DMD: variants seen among roughly 807,000 people sequenced by gnomAD.
DMD encodes the protein dystrophin.
In DMD, 63 loss-of-function variants were observed where a neutral mutation model predicts 330.1. The observed-to-expected ratio is 0.19, with a 90% CI of 0.16 to 0.24. The LOEUF (loss-of-function observed/expected upper bound fraction) is 0.24. Ranked by LOEUF, DMD falls within the 10% of genes least tolerant of loss-of-function variation. The pLI is 1.00. For missense variants in DMD, 3,344 were observed against 2,684.1 expected, an observed-to-expected ratio of 1.25 and a Z score of -5.43; for synonymous variants, 1,223 against 959.8, an observed-to-expected ratio of 1.27 and a Z score of -5.07.
chrX:33,176,559 A>AGTGTGTGT (rs67497965), intron 1 of DMD, among the ~76,000 whole-genome samples: 110 of 102,779 alleles, frequency 1.1e-3, no homozygotes, highest in Non-Finnish European at 1.3e-3. Context: ...CAAGCACAGA[A>AGTGTGTGT]GTGTGTGTGT....
chrX:32,238,844 A>AT, intron 43 of DMD, among the ~76,000 whole-genome samples: 1 of 111,503 alleles, frequency 9.0e-6, no homozygotes, highest in African/African-American at 3.3e-5. Flanking sequence ...CTTGGTGTAG[A>AT]TTTTTAGCTC....
intron 55 of DMD, among the ~76,000 whole-genome samples, chrX:31,524,454 C>T (rs1603307578): frequency 9.0e-6 from 1 of 111,592 alleles, no homozygotes; most frequent in Non-Finnish European, 1.9e-5. Context: ...TTAAAAGGCA[C>T]ATGTGTTGTG....
chrX:33,307,382 T>A (rs1203846277), intron 1 of DMD, among the ~76,000 whole-genome samples: 1 of 111,913 alleles, frequency 8.9e-6, no homozygotes, highest in Non-Finnish European at 1.9e-5. Context: ...CACTCACGAG[T>A]CATCCTTAGA....
At chrX:31,456,060 C>CCTCTCT (rs57908791) in intron 59 of DMD, among the ~76,000 whole-genome samples, 11 of 102,697 alleles carry the variant, frequency 1.1e-4, no homozygotes, top group African/African-American at 2.5e-4. Context: ...ACAGATGATC[C>CCTCTCT]CTCTCTCTCT....
intron 72 of DMD, 87 bp downstream of exon 72, chrX:31,173,451 GA>G (rs2040201757): frequency 1.9e-6 from 2 of 1,070,606 alleles, no homozygotes; most frequent in African/African-American, 1.8e-5. Flanking sequence ...GGGAAAAAAA[GA>G]AAAGATTTGT....
At chrX:32,769,819 A>G (rs1416088580) in intron 7 of DMD, among the ~76,000 whole-genome samples, 1 of 31,154 alleles carries the variant, frequency 3.2e-5, no homozygotes, top group African/African-American at 3.1e-4. Flanking sequence ...AAAAACCAGA[A>G]AAAAAAAAAA....
intron 77 of DMD, among the ~76,000 whole-genome samples, chrX:31,129,747 C>T (rs1050668089): frequency 8.9e-6 from 1 of 112,132 alleles, no homozygotes; most frequent in Non-Finnish European, 1.9e-5. Flanking sequence ...CCGCTCAAAT[C>T]CTTTGTGGGA....
intron 1 of DMD, among the ~76,000 whole-genome samples, chrX:33,094,726 T>G (rs773737978): frequency 1.2e-3 from 130 of 107,312 alleles, no homozygotes; most frequent in Middle Eastern, 9.8e-3. Flanking sequence ...GAGAATCGCT[T>G]GAACCTGGGA....
At chrX:32,162,116 C>T (rs1402223430) in intron 44 of DMD, among the ~76,000 whole-genome samples, 3 of 111,311 alleles carry the variant, frequency 2.7e-5, no homozygotes, top group Admixed American at 9.5e-5. Context: ...ACCACCGTGG[C>T]AAATGTATAC....
At chrX:32,503,626 G>A (rs1418948018) in intron 18 of DMD, among the ~76,000 whole-genome samples, 7 of 111,210 alleles carry the variant, frequency 6.3e-5, no homozygotes, top group African/African-American at 9.8e-5. Context: ...CATGATCTCA[G>A]CTCACTGCAA....
chrX:32,697,541 G>A (rs1286787733), intron 9 of DMD, among the ~76,000 whole-genome samples: 1 of 111,644 alleles, frequency 9.0e-6, no homozygotes, highest in Non-Finnish European at 1.9e-5. Context: ...TACACTTTTC[G>A]AAGTTACATA....
At chrX:32,874,772 A>C (rs1047642609) in intron 2 of DMD, among the ~76,000 whole-genome samples, 1 of 111,315 alleles carries the variant, frequency 9.0e-6, no homozygotes, top group Non-Finnish European at 1.9e-5. Flanking sequence ...TAGAATACTC[A>C]CTCTGGGAGC....
intron 7 of DMD, among the ~76,000 whole-genome samples, chrX:32,730,496 T>A (rs749666793): frequency 1.8e-5 from 2 of 112,146 alleles, no homozygotes; most frequent in Admixed American, 1.9e-4. Flanking sequence ...GGAAGTAGAC[T>A]TAGAGAGCCA....
intron 48 of DMD, among the ~76,000 whole-genome samples, chrX:31,873,581 A>C (rs756024486): frequency 8.9e-6 from 1 of 112,100 alleles, no homozygotes; most frequent in East Asian, 2.8e-4. Context: ...ACTACTCAAA[A>C]ATGTTACTTA....
At chrX:31,717,879 C>T (rs754233787) in intron 52 of DMD, among the ~76,000 whole-genome samples, 3 of 112,007 alleles carry the variant, frequency 2.7e-5, no homozygotes, top group South Asian at 3.7e-4. Context: ...TTCCTTTCCT[C>T]GACCAGTTCT....
chrX:32,606,585 TA>T (rs1419629200), intron 12 of DMD, among the ~76,000 whole-genome samples: 1 of 109,461 alleles, frequency 9.1e-6, no homozygotes, highest in African/African-American at 3.3e-5. Flanking sequence ...CAAAAAGTGT[TA>T]CATGAAAAAG....
At chrX:32,364,766 A>T in intron 35 of DMD, 56 bp from the exon 36 acceptor site, 1 of 1,146,919 alleles carries the variant, frequency 8.7e-7, no homozygotes, top group Non-Finnish European at 1.2e-6. Flanking sequence ...TTCTTAAAGA[A>T]TTTTTCCTAT....
intron 18 of DMD, among the ~76,000 whole-genome samples, chrX:32,502,850 A>G (rs753035647): frequency 9.0e-6 from 1 of 111,460 alleles, no homozygotes; most frequent in East Asian, 2.8e-4. Context: ...AGATACATGG[A>G]CAGTCTGCAC....
intron 55 of DMD, among the ~76,000 whole-genome samples, chrX:31,510,690 T>C (rs1293413517): frequency 1.8e-5 from 2 of 109,133 alleles, no homozygotes; most frequent in Non-Finnish European, 3.8e-5. Flanking sequence ...TTTGTATTTT[T>C]AGTAGAAACA....
Sources: gnomAD v4.1 joint callset for allele counts (sites outside exome capture counted in the v4.1 genomes callset) on GRCh38, gnomAD v4.1.1 for gene constraint, MANE v1.5 for transcripts, NCBI Gene and HGNC (gene_info 2026-07-23, HGNC 2026-07-21) for gene names.